Variants in CCDC91 observed in about 807,000 individuals in gnomAD.
CCDC91 encodes coiled-coil domain containing 91.
CCDC91 carries 48 observed loss-of-function variants against 63.2 expected under a neutral mutation model. The ratio of observed to expected loss-of-function variants is 0.76; its 90% CI spans 0.60 to 0.97. The LOEUF (loss-of-function observed/expected upper bound fraction) is 0.97, where lower values mean the gene tolerates loss of function less well. CCDC91 is among the 50% of genes least tolerant of loss of function. CCDC91 has a pLI of 0.00. For synonymous variants in CCDC91, 167 were observed against 165.8 expected (o/e 1.01, Z -0.06); for missense variants, 500 against 494.6 (o/e 1.01, Z -0.10).
At chr12:28,314,487 T>G (rs1939639284) in intron 6 of CCDC91, among the ~76,000 whole-genome samples, 1 of 152,072 alleles carries the variant, frequency 6.6e-6, no homozygotes, top group Non-Finnish European at 1.5e-5. Flanking sequence ...AATAGTTAAC[T>G]TGATAATCTG....
At chr12:28,541,349 C>G (rs1402910148) in intron 12 of CCDC91, among the ~76,000 whole-genome samples, 2 of 152,144 alleles carry the variant, frequency 1.3e-5, no homozygotes, top group African/African-American at 4.8e-5. Flanking sequence ...TGTGGACAGT[C>G]TCTCTTGCTT....
intron 11 of CCDC91, among the ~76,000 whole-genome samples, chr12:28,453,651 T>C (rs1189701231): frequency 1.3e-5 from 2 of 151,992 alleles, no homozygotes; most frequent in Admixed American, 6.6e-5. Context: ...TCTTTTTTTT[T>C]CTTGCGTTTT....
chr12:28,271,930 A>G (rs1364231022), intron 3 of CCDC91, among the ~76,000 whole-genome samples: 1 of 149,408 alleles, frequency 6.7e-6, no homozygotes, highest in East Asian at 1.9e-4. Context: ...TATTATATAT[A>G]TAAGTCCACA....
intron 8 of CCDC91, among the ~76,000 whole-genome samples, chr12:28,420,757 G>T (rs1344277518): frequency 2.6e-4 from 37 of 142,304 alleles, no homozygotes; most frequent in African/African-American, 8.9e-4. Flanking sequence ...GCATTTTATG[G>T]TTTTTTTTTT....
At chr12:28,226,158 A>G (rs572046058) in intron 1 of CCDC91, 1 of 152,222 alleles carries the variant, frequency 6.6e-6, no homozygotes, top group Non-Finnish European at 1.5e-5. Flanking sequence ...ATTCTGTCTC[A>G]TGCATCTAAT....
intron 8 of CCDC91, among the ~76,000 whole-genome samples, chr12:28,403,394 G>A (rs1167903815): frequency 6.6e-6 from 1 of 152,114 alleles, no homozygotes; most frequent in Non-Finnish European, 1.5e-5. Context: ...AGACTAAGAA[G>A]TCCAAGATCA....
intron 12 of CCDC91, among the ~76,000 whole-genome samples, chr12:28,534,597 A>G (rs1305041614): frequency 7.2e-5 from 11 of 151,946 alleles, no homozygotes; most frequent in Admixed American, 7.2e-4. Context: ...TCTTCCTGAT[A>G]CTCCCTGGAG....
chr12:28,395,729 G>A (rs1946252112), intron 8 of CCDC91, among the ~76,000 whole-genome samples: 1 of 152,088 alleles, frequency 6.6e-6, no homozygotes, highest in African/African-American at 2.4e-5. Flanking sequence ...ACCGAGGCAT[G>A]AATAAAGGGT....
chr12:28,272,940 T>G (rs993666035), intron 3 of CCDC91, among the ~76,000 whole-genome samples: 1 of 152,046 alleles, frequency 6.6e-6, no homozygotes, highest in African/African-American at 2.4e-5. Context: ...CTGTACCCAG[T>G]AACTCGTCAT....
rs767409583 is a variant in CCDC91 at position 28,486,981 on chromosome 12, TATC to T, written c.1215+2820_1215+2822del. Among the ~76,000 whole-genome samples the T allele has an allele frequency of 2.5e-4, 38 of 152,124 alleles. 1 individual carries two copies. Among genetic ancestry groups the T allele is most frequent in the African/African-American group, 8.2e-4 (34 of 41,566 alleles). ...GGACTCAATAAATATGTGTTATGCT[TATC>T]ATCTTTACCACATTATTTACAGAAA... is the stretch of plus-strand genomic sequence containing the variant. On this transcript the variant is annotated intron_variant, in intron 12 of 12. Coordinates refer to ENST00000536442, the MANE Select transcript of CCDC91 (RefSeq NM_018318.5).
At chr12:28,474,173 C>A (rs1950964133) in intron 11 of CCDC91, among the ~76,000 whole-genome samples, 1 of 152,038 alleles carries the variant, frequency 6.6e-6, no homozygotes, top group South Asian at 2.1e-4. Flanking sequence ...ACATCTAATC[C>A]ATTATCAAAA....
At chr12:28,397,998 T>C (rs1249203116) in intron 8 of CCDC91, among the ~76,000 whole-genome samples, 3 of 152,100 alleles carry the variant, frequency 2.0e-5, no homozygotes, top group Non-Finnish European at 4.4e-5. Flanking sequence ...ATAAATTCCA[T>C]GAGAGCTAGG....
chr12:28,450,651 T>G (rs58929481), intron 10 of CCDC91, among the ~76,000 whole-genome samples: 2,504 of 151,924 alleles, frequency 0.016, 79 homozygotes, highest in African/African-American at 0.057. Context: ...AGTTACTTAT[T>G]ATAAAGAACA....
intron 7 of CCDC91, among the ~76,000 whole-genome samples, chr12:28,375,656 T>C (rs1363835040): frequency 3.3e-5 from 5 of 151,958 alleles, no homozygotes; most frequent in Non-Finnish European, 5.9e-5. Context: ...ATTCTGATAA[T>C]TAATGACAGT....
intron 6 of CCDC91, among the ~76,000 whole-genome samples, chr12:28,351,275 T>A (rs1943162857): frequency 1.3e-5 from 2 of 152,176 alleles, no homozygotes; most frequent in African/African-American, 4.8e-5. Context: ...GCTTTCAGAA[T>A]ACAATGGTGG....
At chr12:28,208,393 T>C (rs1169350318) in intron 1 of CCDC91, among the ~76,000 whole-genome samples, 2 of 152,150 alleles carry the variant, frequency 1.3e-5, no homozygotes, top group Non-Finnish European at 2.9e-5. Flanking sequence ...TTGGAACATA[T>C]ATTAATATAA....
chr12:28,480,167 A>G (rs533556593), intron 11 of CCDC91, among the ~76,000 whole-genome samples: 16 of 152,138 alleles, frequency 1.1e-4, no homozygotes, highest in African/African-American at 3.6e-4. Flanking sequence ...CATATAAACT[A>G]TTATTCCTAA....
intron 3 of CCDC91, among the ~76,000 whole-genome samples, chr12:28,297,895 CAT>C (rs1319038604): frequency 6.6e-6 from 1 of 151,764 alleles, no homozygotes; most frequent in African/African-American, 2.4e-5. Flanking sequence ...ACATTTAAAA[CAT>C]GTATACCATC....
At chr12:28,459,694 C>T (rs920983268) in intron 11 of CCDC91, among the ~76,000 whole-genome samples, 2 of 152,048 alleles carry the variant, frequency 1.3e-5, no homozygotes, top group African/African-American at 2.4e-5. Flanking sequence ...TTACTTTGAA[C>T]GACTAGTATA....
Sources: allele counts gnomAD v4.1 joint callset (sites outside exome capture counted in the v4.1 genomes callset), GRCh38; gene constraint gnomAD v4.1.1; transcripts MANE v1.5; gene names NCBI Gene and HGNC (gene_info 2026-07-23, HGNC 2026-07-21).